WDR72: variants seen among roughly 807,000 people sequenced by gnomAD.
WDR72 encodes WD repeat domain 72, also known as WD repeat-containing protein 72.
WDR72 carries 120 observed loss-of-function variants against 124.2 expected under a neutral mutation model. The ratio of observed to expected loss-of-function variants is 0.97; its 90% CI spans 0.83 to 1.12. The LOEUF (loss-of-function observed/expected upper bound fraction) is 1.12. WDR72 is among the 50% of genes most tolerant of loss of function. The pLI is 0.00. For missense variants in WDR72, 1,387 were observed against 1,278.8 expected (o/e 1.08, Z -1.29); for synonymous variants, 452 against 441.7 (o/e 1.02, Z -0.29).
chr15:53,567,477 G>T (rs984376686), intron 18 of WDR72, among the ~76,000 whole-genome samples: 2 of 151,832 alleles, frequency 1.3e-5, no homozygotes, highest in African/African-American at 4.8e-5. Flanking sequence ...TTTTTCAAAG[G>T]GACTAAGTTC....
chr15:53,753,593 C>T (rs146565521), intron 1 of WDR72, among the ~76,000 whole-genome samples: 5 of 152,290 alleles, frequency 3.3e-5, no homozygotes, highest in Admixed American at 1.3e-4. Context: ...CTGTCATGAG[C>T]CAAGATAAGC....
At chr15:53,735,919 T>C (rs2018340553) in intron 1 of WDR72, among the ~76,000 whole-genome samples, 1 of 151,502 alleles carries the variant, frequency 6.6e-6, no homozygotes, top group Non-Finnish European at 1.5e-5. Context: ...ATATTACTTC[T>C]AGAAATAAAA....
intron 1 of WDR72, among the ~76,000 whole-genome samples, chr15:53,749,930 A>C (rs1413896307): frequency 6.6e-6 from 1 of 152,194 alleles, no homozygotes; most frequent in Non-Finnish European, 1.5e-5. Flanking sequence ...AAAAGCTGGA[A>C]GCTAGCTGAG....
At chr15:53,593,668 G>A (rs924275255) in intron 18 of WDR72, among the ~76,000 whole-genome samples, 23 of 151,782 alleles carry the variant, frequency 1.5e-4, no homozygotes, top group African/African-American at 5.6e-4. Flanking sequence ...AGGCAGAGGT[G>A]GGAAGATCAC....
chr15:53,601,214 T>C (rs1423711643), intron 17 of WDR72, among the ~76,000 whole-genome samples: 2 of 152,044 alleles, frequency 1.3e-5, no homozygotes, highest in African/African-American at 2.4e-5. Flanking sequence ...TCAAAATTCT[T>C]AAATAAAAGG....
At chr15:53,545,508 C>T (rs949754915) in intron 18 of WDR72, among the ~76,000 whole-genome samples, 1 of 151,134 alleles carries the variant, frequency 6.6e-6, no homozygotes, top group African/African-American at 2.4e-5. Flanking sequence ...ATACAAAAAT[C>T]AATTCAAGAT....
rs201586083 is a variant in WDR72, at chr15:53,726,264, G to A, written c.154-3356C>T. ...TGTGTGTATATATATATGTATGTGTGTATATATATATATATATATATACAC... is the reference window on the plus strand; with the variant it reads ...TGTGTGTATATATATATGTATGTGTATATATATATATATATATATATACAC... On this transcript the variant is annotated intron_variant, in intron 2 of 19. Coordinates refer to ENST00000360509, the MANE Select transcript of WDR72 (RefSeq NM_182758.4). 6.2e-3 allele frequency among the ~76,000 whole-genome samples: 684 copies of A among 110,244 alleles called. 6 individuals are homozygous for A. The highest frequency in any genetic ancestry group is 9.8e-3 in the South Asian group (35 of 3,588). 72.3% of individuals were successfully genotyped at this position (110,244 alleles called of 152,430 possible).
chr15:53,651,242 C>T (rs989814416), intron 14 of WDR72, among the ~76,000 whole-genome samples: 11 of 152,130 alleles, frequency 7.2e-5, no homozygotes, highest in African/African-American at 2.2e-4. Context: ...TTCTTTCTTG[C>T]AATTCAAACA....
intron 13 of WDR72, among the ~76,000 whole-genome samples, chr15:53,676,651 A>G (rs144955650): frequency 2.9e-4 from 44 of 152,298 alleles, no homozygotes; most frequent in African/African-American, 1.0e-3. Context: ...TGGTTCCCAG[A>G]GCCTCTAGAT....
intron 14 of WDR72, among the ~76,000 whole-genome samples, chr15:53,659,641 C>CA (rs1207236936): frequency 6.8e-6 from 1 of 146,644 alleles, no homozygotes; most frequent in African/African-American, 2.5e-5. Flanking sequence ...ATTTTAAAAA[C>CA]AAAAAAAGTT....
intron 12 of WDR72, among the ~76,000 whole-genome samples, chr15:53,700,753 C>T (rs2017146690): frequency 6.6e-6 from 1 of 151,912 alleles, no homozygotes; most frequent in Admixed American, 6.6e-5. Flanking sequence ...ATTAAGTGCA[C>T]TCCAGAAATC....
intron 11 of WDR72, among the ~76,000 whole-genome samples, chr15:53,703,935 T>C (rs1195070600): frequency 2.0e-5 from 3 of 152,164 alleles, no homozygotes; most frequent in African/African-American, 7.2e-5. Context: ...GATATTAGGG[T>C]AAATCAGCCT....
intron 18 of WDR72, among the ~76,000 whole-genome samples, chr15:53,529,036 C>A (rs993561096): frequency 4.0e-5 from 6 of 151,230 alleles, no homozygotes; most frequent in African/African-American, 1.5e-4. Context: ...CAAGCTTAAT[C>A]AAAAATGTCC....
chr15:53,594,797 C>G (rs188336271), intron 18 of WDR72, among the ~76,000 whole-genome samples: 2 of 150,610 alleles, frequency 1.3e-5, no homozygotes, highest in African/African-American at 2.4e-5. Flanking sequence ...CCCACCCCCC[C>G]AAAAAAAATC....
chr15:53,747,284 T>C (rs2018666249), intron 1 of WDR72, among the ~76,000 whole-genome samples: 1 of 152,160 alleles, frequency 6.6e-6, no homozygotes, highest in South Asian at 2.1e-4. Flanking sequence ...TCAAAGAGTG[T>C]CCAAGGCATA....
At chr15:53,591,489 A>C (rs532753360) in intron 18 of WDR72, among the ~76,000 whole-genome samples, 144 of 152,236 alleles carry the variant, frequency 9.5e-4, no homozygotes, top group Non-Finnish European at 1.5e-3. Context: ...AAAAGTTTTA[A>C]GTGAGACATT....
At chr15:53,572,567 G>GA (rs1294747924) in intron 18 of WDR72, among the ~76,000 whole-genome samples, 2 of 151,984 alleles carry the variant, frequency 1.3e-5, no homozygotes, top group Non-Finnish European at 2.9e-5. Flanking sequence ...ATCCATGAAA[G>GA]AAAAAAATTG....
chr15:53,569,799 T>A (rs1894443102), intron 18 of WDR72, among the ~76,000 whole-genome samples: 1 of 152,120 alleles, frequency 6.6e-6, no homozygotes, highest in East Asian at 1.9e-4. Flanking sequence ...AAAGTATAAT[T>A]TGCATTATTT....
chr15:53,519,891 T>G (rs1315878509), intron 19 of WDR72, among the ~76,000 whole-genome samples: 1 of 152,082 alleles, frequency 6.6e-6, no homozygotes, highest in African/African-American at 2.4e-5. Context: ...GAAGGAGTGA[T>G]GCCAATATAA....
Sources: allele counts gnomAD v4.1 joint callset (sites outside exome capture counted in the v4.1 genomes callset), GRCh38; gene constraint gnomAD v4.1.1; transcripts MANE v1.5; gene names NCBI Gene and HGNC (gene_info 2026-07-23, HGNC 2026-07-21).